LCN9: variants seen among roughly 807,000 people sequenced by gnomAD.
LCN9 encodes lipocalin 9.
Under a neutral mutation model 18.5 loss-of-function variants are expected in LCN9, and 22 were observed. That is an observed-to-expected ratio of 1.19 (90% CI 0.85 to 1.70). The LOEUF (loss-of-function observed/expected upper bound fraction) is 1.70. Ranked by LOEUF, LCN9 falls within the 40% of genes most tolerant of loss-of-function variation. The probability of loss-of-function intolerance (pLI) is 0.00; values close to 1 mark genes in which losing one functional copy is unlikely to be tolerated. For synonymous variants in LCN9, 89 were observed against 83.0 expected (o/e 1.07, Z -0.39); for missense variants, 202 against 201.3 (o/e 1.00, Z -0.02).
Position 135,665,264 on chromosome 9 carries a change from G to T in LCN9, c.327G>T (p.Val109=). The T allele has an allele frequency of 6.3e-7, 1 of 1,598,242 alleles. No individual in the cohort carries two copies. Among genetic ancestry groups the T allele is most frequent in the Non-Finnish European group, 8.5e-7 (1 of 1,172,592 alleles). The change falls in exon 4 of 6, where the codon GTG becomes GTT. Residue 109 remains valine (V), a synonymous_variant. Coordinates refer to ENST00000619315, the Ensembl canonical transcript of LCN9. This position sits in a 1 kb window ranked among gnomAD's most constrained non-coding sequence, Gnocchi z 5.9. The stretch of plus-strand genomic sequence containing the variant: ...ACGCAGATGAGGGCCAGAACACAGT[G>T]GCCGTCTCGGAGACTGACTACAGGC...
intron 1 of LCN9, among the ~76,000 whole-genome samples, chr9:135,663,892 AT>A (rs1554755606): frequency 1.1e-4 from 12 of 111,892 alleles, no homozygotes; most frequent in Non-Finnish European, 1.7e-4. Context: ...GGACCTTGGG[AT>A]CAAAGGGGGG....
Position 135,664,814 on chromosome 9 carries a change from C to T in LCN9, c.307+19C>T, listed in dbSNP as rs1278919199. 5.1e-6 allele frequency: 8 copies of T among 1,567,428 alleles called. No individual in the cohort carries two copies. The highest frequency in any genetic ancestry group is 4.3e-6 in the Non-Finnish European group (5 of 1,156,410). On this transcript the variant is annotated intron_variant, in intron 3 of 5. Transcript: ENST00000619315. The surrounding 1 kb of genome is among the most constrained non-coding windows in gnomAD (Gnocchi z 4.5). Reference sequence around the variant, plus strand: ...ATCAACTGTAAGTGGAAGCCAGGCTCCTCCTGGTCTCACAGTCGGGGGTCT... The same window carrying T: ...ATCAACTGTAAGTGGAAGCCAGGCTTCTCCTGGTCTCACAGTCGGGGGTCT...
exon 6 of LCN9, chr9:135,666,068 G>A (rs759556621): frequency 1.4e-5 from 22 of 1,599,550 alleles, no homozygotes; most frequent in Non-Finnish European, 1.7e-5. Context: ...AAGCATCCTG[G>A]AGTCGGGGCA....
At position 135,664,564 on chromosome 9, in the gene LCN9, GT is replaced by G. The variant is rs548134201; in HGVS notation, c.234-157del. 5.3e-3 allele frequency among the ~76,000 whole-genome samples: 809 copies of G among 152,244 alleles called. 7 individuals carry two copies. Among genetic ancestry groups the G allele is most frequent in the African/African-American group, 0.018 (763 of 41,532 alleles). The stretch of plus-strand genomic sequence containing the variant: ...AGGTTCGAGGAGATGAGGGTGTCCG[GT>G]GGGCTGCAGCAGGGCCCAGCCCAAG... On this transcript the variant is annotated intron_variant, in intron 2 of 5. Coordinates refer to ENST00000619315, the Ensembl canonical transcript of LCN9. This position sits in a 1 kb window ranked among gnomAD's most constrained non-coding sequence, Gnocchi z 4.5.
Position 135,666,031 on chromosome 9 carries a change from A to G in LCN9, c.*180A>G. On this transcript the variant is annotated 3_prime_UTR_variant, in exon 6 of 6. Transcript: ENST00000619315. ...CCCCCTGGTCTGGGAACCGAACACA[A>G]GGTGCTTTGGTGAAAGATGCTGTGA... 3.1e-6 allele frequency: 5 copies of G among 1,599,690 alleles called. No individual in the cohort carries two copies. The South Asian group carries it at 5.5e-5, about 18-fold the overall frequency.
rs1470762756 is a variant in LCN9 at position 135,664,205 on chromosome 9, T to G, written c.140T>G (p.Leu47Arg). 1.9e-6 allele frequency: 3 copies of G among 1,613,334 alleles called. No individual in the cohort carries two copies. Among genetic ancestry groups the G allele is most frequent in the Non-Finnish European group, 2.5e-6 (3 of 1,179,650 alleles). The change falls in exon 2 of 6, where the codon CTG (leucine) becomes CGG (arginine). Residue 47 changes from leucine to arginine, a missense_variant. Transcript: ENST00000619315. The surrounding 1 kb of genome is among the most constrained non-coding windows in gnomAD (Gnocchi z 4.5). ...TCTATTTTCATGGCCTCAGATGACC[T>G]GAATCGGATTAAAGAAAATGGAGAC...
At position 135,665,532 on chromosome 9, in the gene LCN9, C is replaced by T; in HGVS notation, c.419-156C>T. 1.2e-6 allele frequency: 1 copy of T among 838,978 alleles called. No individual in the cohort carries two copies. 52.0% of individuals were successfully genotyped at this position (838,978 alleles called of 1,614,324 possible). On this transcript the variant is annotated intron_variant, in intron 4 of 5. Coordinates refer to ENST00000619315, the Ensembl canonical transcript of LCN9. This position sits in a 1 kb window ranked among gnomAD's most constrained non-coding sequence, Gnocchi z 5.9. ...TGCTGGGTGCTTCAATCTGTCACCT[C>T]CCATCTCACTTGGCACAAAGCCCCT...
chr9:135,666,213 G>C, exon 6 of LCN9: 2 of 1,479,104 alleles, frequency 1.4e-6, no homozygotes, highest in Non-Finnish European at 9.1e-7. Flanking sequence ...CCTGGAGCCC[G>C]AGGTCTGAAA....
At position 135,665,439 on chromosome 9, in the gene LCN9, G is replaced by A. The variant is rs1044229269; in HGVS notation, c.418+84G>A. The A allele has an allele frequency of 9.6e-6, 11 of 1,146,046 alleles. No individual in the cohort carries two copies. Among genetic ancestry groups the A allele is most frequent in the Middle Eastern group, 2.5e-4 (1 of 3,970 alleles). 71.0% of individuals were successfully genotyped at this position (1,146,046 alleles called of 1,614,324 possible). ...CCAACCCTGGGCGGAGGAGGGTCTC[G>A]CAGTGGCCCTGGGGTTTGGAGAGGT... is the stretch of plus-strand genomic sequence containing the variant. On this transcript the variant is annotated intron_variant, in intron 4 of 5. Transcript: ENST00000619315. This position sits in a 1 kb window ranked among gnomAD's most constrained non-coding sequence, Gnocchi z 5.9.
rs760334758 is a variant in LCN9 at position 135,664,732 on chromosome 9, G to A, written c.244G>A (p.Glu82Lys). The A allele has an allele frequency of 1.9e-6, 3 of 1,597,584 alleles. No individual in the cohort carries two copies. The highest frequency in any genetic ancestry group is 1.7e-5 in the Admixed American group (1 of 57,248). ...CTGGCTGGCTTCCAGGGTGCAGGGG[G>A]AGTGTGTGGCTGTGGTCGTGGTCTG... The change falls in exon 3 of 6, where the codon GAG becomes AAG. Residue 82 changes from glutamate (E) to lysine (K), a missense_variant. By Grantham distance (56) the Glu-to-Lys change is moderately conservative (BLOSUM62 1). Transcript: ENST00000619315. This position sits in a 1 kb window ranked among gnomAD's most constrained non-coding sequence, Gnocchi z 4.5.
chr9:135,665,087 C>T lies in LCN9; in HGVS notation c.308-158C>T. ...GGGGCTGTGCCGCTGCTGCCCGCCC[C>T]CTGTGCAGGGGTCTCCGCTGGGTGA... is the stretch of plus-strand genomic sequence containing the variant. On this transcript the variant is annotated intron_variant, in intron 3 of 5. Coordinates refer to ENST00000619315, the Ensembl canonical transcript of LCN9. The surrounding 1 kb of genome is among the most constrained non-coding windows in gnomAD (Gnocchi z 5.9). The T allele has an allele frequency of 1.5e-6, 1 of 650,592 alleles. No individual in the cohort carries two copies. Among genetic ancestry groups the T allele is most frequent in the Non-Finnish European group, 2.7e-6 (1 of 365,754 alleles). The allele number at this position is 650,592 out of a possible 1,614,324, so 40.3% of individuals were successfully genotyped here.
exon 6 of LCN9, among the ~76,000 whole-genome samples, chr9:135,666,624 C>T (rs1834227509): frequency 6.6e-6 from 1 of 152,190 alleles, no homozygotes; most frequent in Non-Finnish European, 1.5e-5. Flanking sequence ...TTCCCAGAGC[C>T]TGAGCCTCCC....
rs1219827597 is a variant in LCN9 at position 135,665,839 on chromosome 9, A to G, written c.*10-22A>G. ...CTGCGGGGTCCCTGTCCCTGCGCTG[A>G]GAGCCCCCTCTGTCCTTCCAGATCC... is the stretch of plus-strand genomic sequence containing the variant. On this transcript the variant is annotated intron_variant, in intron 5 of 5. Transcript: ENST00000619315. This position sits in a 1 kb window ranked among gnomAD's most constrained non-coding sequence, Gnocchi z 5.9. The G allele has an allele frequency of 6.2e-7, 1 of 1,612,276 alleles. No homozygotes were observed. Among genetic ancestry groups the G allele is most frequent in the Admixed American group, 1.7e-5 (1 of 59,796 alleles).
Position 135,664,918 on chromosome 9 carries a change from T to G in LCN9, c.307+123T>G. Reference sequence around the variant, plus strand: ...AGTTAAGCCCCTGACAGCTTGACCCTGAACTGGAGGGACCCATCCTGGCAC... The same window carrying G: ...AGTTAAGCCCCTGACAGCTTGACCCGGAACTGGAGGGACCCATCCTGGCAC... On this transcript the variant is annotated intron_variant, in intron 3 of 5. Transcript: ENST00000619315. The surrounding 1 kb of genome is among the most constrained non-coding windows in gnomAD (Gnocchi z 4.5). 1 of 1,066,386 alleles carries G rather than the reference T, an allele frequency of 9.4e-7. No homozygotes were observed. Among genetic ancestry groups the G allele is most frequent in the Non-Finnish European group, 1.4e-6 (1 of 735,818 alleles). The allele number at this position is 1,066,386 out of a possible 1,614,324, so 66.1% of individuals were successfully genotyped here. A position where few individuals can be genotyped will look rare whatever the true frequency, so the allele number is the denominator to read the frequency against.
Position 135,664,117 on chromosome 9 carries a change from G to A in LCN9, c.97-45G>A, listed in dbSNP as rs1348416690. 6.2e-7 allele frequency: 1 copy of A among 1,607,876 alleles called. No individual in the cohort carries two copies. The highest frequency in any genetic ancestry group is 1.7e-5 in the Admixed American group (1 of 59,114). On this transcript the variant is annotated intron_variant, in intron 1 of 5. Transcript: ENST00000619315. The surrounding 1 kb of genome is among the most constrained non-coding windows in gnomAD (Gnocchi z 4.5). ...AGACTGTGGGCGCTAAGCATCCCCA[G>A]GGCTGTCCCGCGGCCCCCCACCCAC...
intron 1 of LCN9, among the ~76,000 whole-genome samples, 163 bp from the exon 2 acceptor site, chr9:135,663,999 G>T (rs1294092733): frequency 7.0e-6 from 1 of 143,242 alleles, no homozygotes; most frequent in Non-Finnish European, 1.5e-5. Flanking sequence ...GGTAAAGGGG[G>T]GATCTGGTGA....
Position 135,664,053 on chromosome 9 carries a change from T to C in LCN9, c.97-109T>C. 1 of 1,206,038 alleles carries C rather than the reference T, an allele frequency of 8.3e-7. No homozygotes were observed. The highest frequency in any genetic ancestry group is 1.5e-5 in the South Asian group (1 of 68,022). The allele number at this position is 1,206,038 out of a possible 1,614,324, so 74.7% of individuals were successfully genotyped here. A position where few individuals can be genotyped will look rare whatever the true frequency, so the allele number is the denominator to read the frequency against. On this transcript the variant is annotated intron_variant, in intron 1 of 5. Transcript: ENST00000619315. The surrounding 1 kb of genome is among the most constrained non-coding windows in gnomAD (Gnocchi z 4.5). ...CACTGGAAGGGCGGAGGGGTTCTGG[T>C]TGGGAGCCAGATGCTAAGGGGCCGG...
Position 135,664,741 on chromosome 9 carries a change from G to T in LCN9, c.253G>T (p.Ala85Ser). 1 of 1,598,564 alleles carries T rather than the reference G, an allele frequency of 6.3e-7. No individual in the cohort carries two copies. Residue 85 changes from alanine to serine, a missense_variant, in exon 3 of 6, where the codon GCT becomes TCT. Transcript: ENST00000619315. The surrounding 1 kb of genome is among the most constrained non-coding windows in gnomAD (Gnocchi z 4.5). ...TTCCAGGGTGCAGGGGGAGTGTGTG[G>T]CTGTGGTCGTGGTCTGCGAGAAGAC...
At position 135,665,105 on chromosome 9, in the gene LCN9, CTGGGTGAGCACCG is replaced by C. The variant is rs1462990487; in HGVS notation, c.308-135_308-123del. The C allele has an allele frequency of 4.4e-6, 3 of 680,694 alleles. No individual in the cohort carries two copies. In the African/African-American group the frequency reaches 5.3e-5, roughly 12 times the overall value. 42.2% of individuals were successfully genotyped at this position (680,694 alleles called of 1,614,324 possible). A position where few individuals can be genotyped will look rare whatever the true frequency, so the allele number is the denominator to read the frequency against. The stretch of plus-strand genomic sequence containing the variant: ...CCCGCCCCCTGTGCAGGGGTCTCCG[CTGGGTGAGCACCG>C]TGGGCTCCTCCCCTCCCGCCTCAAA... On this transcript the variant is annotated intron_variant, in intron 3 of 5. Coordinates refer to ENST00000619315, the Ensembl canonical transcript of LCN9. This position sits in a 1 kb window ranked among gnomAD's most constrained non-coding sequence, Gnocchi z 5.9.
Sources: allele counts gnomAD v4.1 joint callset (sites outside exome capture counted in the v4.1 genomes callset), GRCh38; gene constraint gnomAD v4.1.1; non-coding constraint Gnocchi (gnomAD v3.1); transcripts MANE v1.5; gene names NCBI Gene and HGNC (gene_info 2026-07-23, HGNC 2026-07-21).